Variants in CNGB3 observed in about 807,000 individuals in gnomAD.
The protein encoded by CNGB3 is cyclic nucleotide-gated channel beta-3.
A neutral mutation model predicts 92.8 loss-of-function variants in CNGB3; 86 were observed. The observed-to-expected ratio is 0.93, with a 90% confidence interval of 0.78 to 1.11. The LOEUF (loss-of-function observed/expected upper bound fraction) is 1.11. CNGB3 is among the 50% of genes least tolerant of loss of function. CNGB3 has a pLI of 0.00. For missense variants in CNGB3, 1,026 were observed against 956.8 expected, an observed-to-expected ratio of 1.07 and a Z score of -0.95; for synonymous variants, 333 against 332.7, an observed-to-expected ratio of 1.00 and a Z score of -0.01.
At chr8:86,696,263 G>C (rs976652610) in intron 3 of CNGB3, among the ~76,000 whole-genome samples, 2 of 152,142 alleles carry the variant, frequency 1.3e-5, no homozygotes, top group Non-Finnish European at 2.9e-5. Flanking sequence ...GTAATGGCTT[G>C]AGTTGATTGG....
At chr8:86,670,527 TC>T (rs543868819) in intron 4 of CNGB3, among the ~76,000 whole-genome samples, 65 of 152,244 alleles carry the variant, frequency 4.3e-4, no homozygotes, top group African/African-American at 1.5e-3. Context: ...ACACAGTTTT[TC>T]AGCTGGATAA....
intron 2 of CNGB3, 54 bp downstream of exon 2, chr8:86,739,601 A>G (rs1825304824): frequency 6.3e-7 from 1 of 1,598,128 alleles, no homozygotes; most frequent in Admixed American, 1.7e-5. Context: ...TTTCAGATAC[A>G]TATGTATTTC....
At chr8:86,578,199 G>A (rs1228582466) in intron 17 of CNGB3, among the ~76,000 whole-genome samples, 1 of 152,186 alleles carries the variant, frequency 6.6e-6, no homozygotes. Context: ...GTGAGCCACC[G>A]CACCCGGCCA....
chr8:86,720,913 AC>A (rs1294716426), intron 3 of CNGB3, among the ~76,000 whole-genome samples: 3 of 151,162 alleles, frequency 2.0e-5, no homozygotes, highest in African/African-American at 7.3e-5. Flanking sequence ...ATGAAAAGGA[AC>A]AAAATAATGG....
chr8:86,653,968 G>C (rs150316482), intron 7 of CNGB3, 44 bp downstream of exon 7: 9 of 1,277,456 alleles, frequency 7.0e-6, no homozygotes, highest in Admixed American at 1.7e-5. Context: ...AAGTCAAAAT[G>C]GTAATAGATC....
At chr8:86,667,886 A>T in intron 5 of CNGB3, 133 bp downstream of exon 5, 1 of 990,262 alleles carries the variant, frequency 1.0e-6, no homozygotes, top group Non-Finnish European at 1.6e-6. Flanking sequence ...CAGGTTATTT[A>T]ATTTAAATTC....
intron 7 of CNGB3, among the ~76,000 whole-genome samples, chr8:86,652,002 G>A (rs941862304): frequency 2.0e-5 from 3 of 151,856 alleles, no homozygotes; most frequent in Non-Finnish European, 4.4e-5. Flanking sequence ...CACGTAGGTG[G>A]TATGGTATAG....
chr8:86,647,677 G>T (rs1454094754), intron 8 of CNGB3, 124 bp downstream of exon 8: 3 of 653,380 alleles, frequency 4.6e-6, no homozygotes, highest in Non-Finnish European at 8.3e-6. Context: ...ATGGAGAAGA[G>T]TTTGGGAAAA....
chr8:86,733,529 T>C (rs994845809), intron 2 of CNGB3, among the ~76,000 whole-genome samples: 2 of 152,184 alleles, frequency 1.3e-5, no homozygotes, highest in Non-Finnish European at 2.9e-5. Flanking sequence ...CTTGAGTAGT[T>C]TTGATAAAAA....
rs370459185 is a variant in CNGB3 at position 86,682,599 on chromosome 8, T to C, written c.339-11501A>G. 3.9e-5 allele frequency among the ~76,000 whole-genome samples: 6 copies of C among 152,234 alleles called. No individual in the cohort carries two copies. In the South Asian group the frequency reaches 1.0e-3, roughly 26 times the overall value. ...AAAGCAGAAGTACATGATGCAGAGA[T>C]TGGCTTCTTTCATAGCGATGCCAGG... On this transcript the variant is annotated intron_variant, in intron 3 of 17. Coordinates refer to ENST00000320005, the MANE Select transcript of CNGB3 (RefSeq NM_019098.5).
At chr8:86,686,474 CA>C (rs1329020729) in intron 3 of CNGB3, among the ~76,000 whole-genome samples, 2 of 152,052 alleles carry the variant, frequency 1.3e-5, no homozygotes, top group Non-Finnish European at 2.9e-5. Flanking sequence ...AAGCAAACTG[CA>C]AAAGCAGTGT....
chr8:86,652,947 T>A (rs1352796426), intron 7 of CNGB3, among the ~76,000 whole-genome samples: 1 of 152,158 alleles, frequency 6.6e-6, no homozygotes, highest in Non-Finnish European at 1.5e-5. Flanking sequence ...TAGTATGTAC[T>A]ATACTTTTAT....
chr8:86,682,540 C>T (rs542441976), intron 3 of CNGB3, among the ~76,000 whole-genome samples: 2 of 152,188 alleles, frequency 1.3e-5, no homozygotes, highest in South Asian at 2.1e-4. Context: ...GTCATTGCCT[C>T]GATAGCAGGA....
chr8:86,661,783 G>A, intron 6 of CNGB3: 1 of 1,587,814 alleles, frequency 6.3e-7, no homozygotes, highest in South Asian at 1.1e-5. Context: ...AATCTGCAGA[G>A]TTCACATATC....
At chr8:86,577,636 T>C (rs1821684134) in intron 17 of CNGB3, among the ~76,000 whole-genome samples, 1 of 152,228 alleles carries the variant, frequency 6.6e-6, no homozygotes, top group Non-Finnish European at 1.5e-5. Flanking sequence ...AGAGATACAC[T>C]ATTTAATTTG....
At chr8:86,588,851 A>T (rs1821956677) in intron 15 of CNGB3, among the ~76,000 whole-genome samples, 1 of 151,764 alleles carries the variant, frequency 6.6e-6, no homozygotes, top group Non-Finnish European at 1.5e-5. Flanking sequence ...TGCTGGCCTC[A>T]TAAAATGAGT....
At chr8:86,661,856 T>A in intron 6 of CNGB3, 2 of 1,261,762 alleles carry the variant, frequency 1.6e-6, no homozygotes, top group Non-Finnish European at 2.3e-6. Context: ...GTTCCAGAAC[T>A]GATGTCAGAT....
chr8:86,638,504 C>T (rs1258536532), intron 10 of CNGB3, among the ~76,000 whole-genome samples: 1 of 152,044 alleles, frequency 6.6e-6, no homozygotes, highest in East Asian at 1.9e-4. Context: ...TCTGTGTGGA[C>T]CTTCCTAACT....
At chr8:86,686,367 G>T (rs1824188949) in intron 3 of CNGB3, among the ~76,000 whole-genome samples, 2 of 152,078 alleles carry the variant, frequency 1.3e-5, no homozygotes, top group Admixed American at 1.3e-4. Flanking sequence ...GTGCATCACA[G>T]ATTTTTATAT....
Sources: allele counts gnomAD v4.1 joint callset (sites outside exome capture counted in the v4.1 genomes callset), GRCh38; gene constraint gnomAD v4.1.1; transcripts MANE v1.5; gene names NCBI Gene and HGNC (gene_info 2026-07-23, HGNC 2026-07-21).